Variants in RAB3GAP1 observed in about 807,000 individuals in gnomAD.
RAB3GAP1 encodes the protein RAB3 GTPase activating protein catalytic subunit 1.
A neutral mutation model predicts 130.7 loss-of-function variants in RAB3GAP1; 86 were observed. That is an observed-to-expected ratio of 0.66 (90% CI 0.55 to 0.79). The LOEUF is 0.79. Among genes scored for constraint, RAB3GAP1 ranks in the 30% least tolerant of loss-of-function variants. The probability of loss-of-function intolerance (pLI) is 0.00; values close to 1 mark genes in which losing one functional copy is unlikely to be tolerated. For synonymous variants in RAB3GAP1, 367 were observed against 401.7 expected (o/e 0.91, Z 1.03); for missense variants, 1,029 against 1,169.4 (o/e 0.88, Z 1.75).
chr2:135,173,400 G>A (rs571470262), downstream of RAB3GAP1, among the ~76,000 whole-genome samples: 4 of 152,132 alleles, frequency 2.6e-5, no homozygotes, highest in South Asian at 2.1e-4. Flanking sequence ...AAAACCAAAC[G>A]TGTGATGTCT....
chr2:135,117,582 G>T (rs199846642), intron 7 of RAB3GAP1, among the ~76,000 whole-genome samples: 5,229 of 59,720 alleles, frequency 0.088, 189 homozygotes, highest in East Asian at 0.32. Flanking sequence ...TTCTTCTTCT[G>T]CTTCTTCTTC....
intron 5 of RAB3GAP1, among the ~76,000 whole-genome samples, chr2:135,099,855 GGA>G (rs1418054457): frequency 6.6e-6 from 1 of 152,034 alleles, no homozygotes; most frequent in East Asian, 1.9e-4. Context: ...TTGGATTGAT[GGA>G]GTAAATCTAA....
At chr2:135,112,682 T>A (rs1300572734) in intron 5 of RAB3GAP1, among the ~76,000 whole-genome samples, 1 of 152,212 alleles carries the variant, frequency 6.6e-6, no homozygotes, top group Non-Finnish European at 1.5e-5. Flanking sequence ...TTGACCTTTT[T>A]TTCTCAAGCG....
At position 135,135,807 on chromosome 2, in the gene RAB3GAP1, C is replaced by A; in HGVS notation, c.1798C>A (p.Gln600Lys). Residue 600 changes from glutamine to lysine, a missense_variant, in exon 17 of 24, where the codon CAA (glutamine) becomes AAA (lysine). Physicochemically the swap from Gln to Lys is moderately conservative, Grantham distance 53 (BLOSUM62 1). Coordinates refer to ENST00000264158, the MANE Select transcript of RAB3GAP1 (RefSeq NM_012233.3). ...TACTGAAGAACTTAAAGGAAATGGACAAGAGAGTGGCAAGAAAGGAGGACC... is the reference window on the plus strand; with the variant it reads ...TACTGAAGAACTTAAAGGAAATGGAAAAGAGAGTGGCAAGAAAGGAGGACC... ...SDTEELKGNG[Q>K]ESGKKGGPKE... The A allele has an allele frequency of 6.2e-7, 1 of 1,614,084 alleles. No individual in the cohort carries two copies. The highest frequency in any genetic ancestry group is 8.5e-7 in the Non-Finnish European group (1 of 1,180,026).
At position 135,162,598 on chromosome 2, in the gene RAB3GAP1, G is replaced by GTGCCTT. The variant is rs1442421055; in HGVS notation, c.2333_2334insTGCCTT (p.Arg778_His779insAlaLeu). The GTGCCTT allele has an allele frequency of 1.2e-6, 2 of 1,613,956 alleles. No individual in the cohort carries two copies. The highest frequency in any genetic ancestry group is 1.7e-6 in the Non-Finnish European group (2 of 1,180,008). On this transcript the variant is annotated inframe_insertion, in exon 20 of 24. Transcript: ENST00000264158. ...ATCCAGAAACCTGCAGACCTTGCTC[G>GTGCCTT]GCACCTGTTACCTTGTGTGATTCAT...
At chr2:135,104,606 A>T (rs532255804) in intron 5 of RAB3GAP1, among the ~76,000 whole-genome samples, 1 of 152,278 alleles carries the variant, frequency 6.6e-6, no homozygotes, top group South Asian at 2.1e-4. Flanking sequence ...TAATGCCACC[A>T]TTTTGGGAGG....
chr2:135,135,920 T>A lies in RAB3GAP1; in HGVS notation c.1911T>A (p.Ile637=). Residue 637 remains isoleucine (I), a synonymous_variant, in exon 17 of 24, where the codon ATT becomes ATA. Transcript: ENST00000264158. The stretch of plus-strand genomic sequence containing the variant: ...TGCATAATGGAGAACCTCTCTACAT[T>A]CCAGTAACCCAGGTAGGATGCACTA... ...TLLHNGEPLY[I]PVTQEPAPMT... 1 of 1,614,018 alleles carries A rather than the reference T, an allele frequency of 6.2e-7. No individual in the cohort carries two copies. The highest frequency in any genetic ancestry group is 1.3e-5 in the African/African-American group (1 of 75,066).
chr2:135,163,157 C>T (rs1692519824), intron 22 of RAB3GAP1, 56 bp downstream of exon 22: 1 of 1,213,578 alleles, frequency 8.2e-7, no homozygotes, highest in Non-Finnish European at 1.2e-6. Context: ...CCACCACTCT[C>T]TTAAGAAAAA....
intron 17 of RAB3GAP1, among the ~76,000 whole-genome samples, chr2:135,147,219 G>T (rs1252716161): frequency 6.6e-6 from 1 of 151,926 alleles, no homozygotes; most frequent in Non-Finnish European, 1.5e-5. Context: ...GGTGGTGCAT[G>T]TCTGTAGCCC....
chr2:135,149,229 G>A (rs1340963943), intron 17 of RAB3GAP1, among the ~76,000 whole-genome samples: 1 of 152,162 alleles, frequency 6.6e-6, no homozygotes, highest in African/African-American at 2.4e-5. Context: ...GAAGGCCTCT[G>A]CTCTTGAGTA....
intron 3 of RAB3GAP1, among the ~76,000 whole-genome samples, chr2:135,068,759 C>T (rs1023234070): frequency 2.6e-5 from 4 of 151,874 alleles, no homozygotes; most frequent in Non-Finnish European, 4.4e-5. Context: ...TCTCAAAAAA[C>T]AAAACAAAAC....
chr2:135,115,405 G>A (rs1690942400), intron 7 of RAB3GAP1, 24 bp downstream of exon 7: 1 of 1,591,036 alleles, frequency 6.3e-7, no homozygotes, highest in African/African-American at 1.3e-5. Flanking sequence ...GATATTGTCA[G>A]TCTTATCTGA....
intron 3 of RAB3GAP1, among the ~76,000 whole-genome samples, chr2:135,082,664 C>T (rs530603283): frequency 6.6e-6 from 1 of 152,228 alleles, no homozygotes; most frequent in South Asian, 2.1e-4. Context: ...TGGTCTCAAA[C>T]TTCTGACCTC....
At chr2:135,060,307 T>C (rs1689130509) in intron 3 of RAB3GAP1, among the ~76,000 whole-genome samples, 1 of 145,340 alleles carries the variant, frequency 6.9e-6, no homozygotes, top group African/African-American at 2.6e-5. Context: ...TTGCCCAGGC[T>C]GAAGTGCAGT....
chr2:135,106,417 ATTC>A (rs938940863), intron 5 of RAB3GAP1, among the ~76,000 whole-genome samples: 7 of 152,266 alleles, frequency 4.6e-5, no homozygotes, highest in African/African-American at 1.4e-4. Flanking sequence ...ACTAAGAAAA[ATTC>A]TTCTGCCTTG....
At chr2:135,078,199 T>G (rs1033161268) in intron 3 of RAB3GAP1, among the ~76,000 whole-genome samples, 1 of 152,174 alleles carries the variant, frequency 6.6e-6, no homozygotes, top group African/African-American at 2.4e-5. Flanking sequence ...TTTGATCCAT[T>G]TTGATTTTTA....
intron 2 of RAB3GAP1, among the ~76,000 whole-genome samples, chr2:135,057,708 G>A (rs1417031353): frequency 6.6e-6 from 1 of 152,036 alleles, no homozygotes; most frequent in Non-Finnish European, 1.5e-5. Context: ...TTTTATTTGT[G>A]CCCCAAATTT....
intron 3 of RAB3GAP1, among the ~76,000 whole-genome samples, chr2:135,064,755 GTTT>G (rs746093269): frequency 1.9e-5 from 2 of 104,968 alleles, no homozygotes; most frequent in Admixed American, 9.2e-5. Flanking sequence ...GAGGTGTTTT[GTTT>G]TTTTTTTTTT....
chr2:135,128,277 C>G (rs563306000), intron 11 of RAB3GAP1, among the ~76,000 whole-genome samples: 10 of 152,254 alleles, frequency 6.6e-5, no homozygotes, highest in Non-Finnish European at 8.8e-5. Flanking sequence ...TTGGACAGAC[C>G]TCAGTTCAAA....
Sources: allele counts gnomAD v4.1 joint callset (sites outside exome capture counted in the v4.1 genomes callset), GRCh38; gene constraint gnomAD v4.1.1; transcripts MANE v1.5; gene names NCBI Gene and HGNC (gene_info 2026-07-23, HGNC 2026-07-21).